Variants in THEMIS observed in about 807,000 individuals in gnomAD.
THEMIS encodes protein THEMIS.
A neutral mutation model predicts 52.6 loss-of-function variants in THEMIS; 37 were observed. The ratio of observed to expected loss-of-function variants is 0.70; its 90% CI spans 0.54 to 0.93. THEMIS has a LOEUF of 0.93. THEMIS is among the 40% of genes least tolerant of loss of function. The pLI is 0.00. For synonymous variants in THEMIS, 292 were observed against 272.7 expected (o/e 1.07, Z -0.70); for missense variants, 808 against 763.1 (o/e 1.06, Z -0.69).
rs753966555 is a variant in THEMIS, at chr6:127,709,616, T to C, written c.*369A>G. 5.7e-6 allele frequency: 1 copy of C among 173,920 alleles called. No homozygotes were observed. The highest frequency in any genetic ancestry group is 2.4e-5 in the African/African-American group (1 of 42,436). 10.8% of individuals were successfully genotyped at this position (173,920 alleles called of 1,614,324 possible). On this transcript the variant is annotated 3_prime_UTR_variant, in exon 6 of 6. Coordinates refer to ENST00000368248, the MANE Select transcript of THEMIS (RefSeq NM_001010923.3). ...TCTGGAAAAAAAAGAAAATATTTGGTGGCTTTTATCCTATTTCAGACTGGT... is the reference window on the plus strand; with the variant it reads ...TCTGGAAAAAAAAGAAAATATTTGGCGGCTTTTATCCTATTTCAGACTGGT...
At chr6:127,834,067 C>G (rs1778791400) in intron 2 of THEMIS, among the ~76,000 whole-genome samples, 1 of 152,060 alleles carries the variant, frequency 6.6e-6, no homozygotes, top group South Asian at 2.1e-4. Context: ...TAATGAGTGA[C>G]TCCAACAATC....
chr6:127,735,814 T>G (rs1357587216), intron 4 of THEMIS, among the ~76,000 whole-genome samples: 2 of 152,202 alleles, frequency 1.3e-5, no homozygotes, highest in African/African-American at 4.8e-5. Context: ...AACAGGTATA[T>G]TTATTTATTT....
rs1476854053 is a variant in THEMIS, at chr6:127,709,288, A to G, written c.*697T>C. 6.6e-6 allele frequency: 1 copy of G among 152,042 alleles called. No individual in the cohort carries two copies. Among genetic ancestry groups the G allele is most frequent in the African/African-American group, 2.4e-5 (1 of 41,422 alleles). 9.4% of individuals were successfully genotyped at this position (152,042 alleles called of 1,614,324 possible). A position where few individuals can be genotyped will look rare whatever the true frequency, so the allele number is the denominator to read the frequency against. ...AATTATCTGGTACATAGCACATAGA[A>G]TATTAAGACATCGTCTCAGAAATCT... On this transcript the variant is annotated 3_prime_UTR_variant, in exon 6 of 6. Coordinates refer to ENST00000368248, the MANE Select transcript of THEMIS (RefSeq NM_001010923.3).
intron 3 of THEMIS, among the ~76,000 whole-genome samples, chr6:127,826,385 A>C (rs1778507315): frequency 6.6e-6 from 1 of 152,176 alleles, no homozygotes; most frequent in African/African-American, 2.4e-5. Flanking sequence ...TTCATGTATC[A>C]CTGATTATAC....
chr6:127,769,489 C>T (rs1240418467), intron 4 of THEMIS, among the ~76,000 whole-genome samples: 2 of 151,878 alleles, frequency 1.3e-5, no homozygotes, highest in African/African-American at 2.4e-5. Context: ...GTGGCACAGA[C>T]GAAGCAACAC....
chr6:127,750,254 C>T (rs986992162), intron 4 of THEMIS, among the ~76,000 whole-genome samples: 1 of 151,434 alleles, frequency 6.6e-6, no homozygotes, highest in African/African-American at 2.4e-5. Flanking sequence ...AAGATATTTT[C>T]CCTTGAGTGC....
chr6:127,721,943 G>T (rs1194099835), intron 4 of THEMIS, among the ~76,000 whole-genome samples: 2 of 151,962 alleles, frequency 1.3e-5, no homozygotes, highest in Admixed American at 1.3e-4. Context: ...TGCAAGTTGT[G>T]TATATTCTAA....
At chr6:127,859,884 T>A (rs1371533362) in intron 1 of THEMIS, among the ~76,000 whole-genome samples, 3 of 152,154 alleles carry the variant, frequency 2.0e-5, no homozygotes, top group Admixed American at 2.0e-4. Context: ...GGGTTGCCAG[T>A]GGAGATGCAA....
At chr6:127,747,634 C>A (rs1056137876) in intron 4 of THEMIS, among the ~76,000 whole-genome samples, 1 of 151,550 alleles carries the variant, frequency 6.6e-6, no homozygotes, top group Admixed American at 6.6e-5. Context: ...TTTAAAAAAT[C>A]TTTTCCCATG....
chr6:127,889,844 G>T (rs1217517335), intron 1 of THEMIS, among the ~76,000 whole-genome samples: 1 of 152,026 alleles, frequency 6.6e-6, no homozygotes, highest in African/African-American at 2.4e-5. Context: ...GTTGATTTAA[G>T]AATTGTTATA....
intron 4 of THEMIS, among the ~76,000 whole-genome samples, chr6:127,745,003 T>C (rs763254135): frequency 8.6e-5 from 13 of 151,982 alleles, no homozygotes; most frequent in Admixed American, 2.0e-4. Context: ...TACAGTTTTA[T>C]TGTATATCAA....
intron 4 of THEMIS, among the ~76,000 whole-genome samples, chr6:127,800,958 A>G (rs1777512120): frequency 6.6e-6 from 1 of 152,202 alleles, no homozygotes; most frequent in African/African-American, 2.4e-5. Context: ...AGGAAGAGGA[A>G]CAGAATATTA....
chr6:127,798,457 T>C (rs566699136), intron 4 of THEMIS, among the ~76,000 whole-genome samples: 1 of 152,282 alleles, frequency 6.6e-6, no homozygotes, highest in African/African-American at 2.4e-5. Context: ...TAAAGGATGG[T>C]TTCGAATTCT....
At chr6:127,912,330 G>T (rs1781431226) in intron 1 of THEMIS, among the ~76,000 whole-genome samples, 1 of 152,184 alleles carries the variant, frequency 6.6e-6, no homozygotes, top group African/African-American at 2.4e-5. Context: ...CTCATAAGTG[G>T]AGGGAACTTG....
At chr6:127,872,973 C>G (rs1368693761) in intron 1 of THEMIS, among the ~76,000 whole-genome samples, 1 of 152,018 alleles carries the variant, frequency 6.6e-6, no homozygotes, top group Non-Finnish European at 1.5e-5. Context: ...GAATAATATT[C>G]AAAAATCAGT....
rs987478416 is a variant in THEMIS, at chr6:127,844,422, C to T, written c.250+10608G>A. ...CATTTCCTTCATGTCTGCTACCTCC[C>T]GAAACAAAATTCCTATACAGCAACA... On this transcript the variant is annotated intron_variant, in intron 2 of 5. Coordinates refer to ENST00000368248, the MANE Select transcript of THEMIS (RefSeq NM_001010923.3). Among the ~76,000 whole-genome samples, 7 of 151,686 alleles carry T rather than the reference C, an allele frequency of 4.6e-5. No homozygotes were observed. The South Asian group carries it at 6.2e-4, about 13-fold the overall frequency.
intron 4 of THEMIS, among the ~76,000 whole-genome samples, chr6:127,775,437 C>G (rs1417531448): frequency 2.6e-5 from 4 of 152,158 alleles, no homozygotes; most frequent in Non-Finnish European, 5.9e-5. Flanking sequence ...GCCAAAGAGT[C>G]TTGTCCTTAA....
intron 4 of THEMIS, among the ~76,000 whole-genome samples, chr6:127,750,296 T>C (rs1775593192): frequency 6.6e-6 from 1 of 151,780 alleles, no homozygotes; most frequent in Admixed American, 6.6e-5. Flanking sequence ...ATGGTTTGCA[T>C]TTCATTTTAT....
chr6:127,778,540 T>A (rs1460902636), intron 4 of THEMIS, among the ~76,000 whole-genome samples: 1 of 152,152 alleles, frequency 6.6e-6, no homozygotes, highest in Non-Finnish European at 1.5e-5. Flanking sequence ...TTTCAGGGAA[T>A]CTACTTATTG....
Sources: allele counts gnomAD v4.1 joint callset (sites outside exome capture counted in the v4.1 genomes callset), GRCh38; gene constraint gnomAD v4.1.1; transcripts MANE v1.5; gene names NCBI Gene and HGNC (gene_info 2026-07-23, HGNC 2026-07-21).